Variants in TRMT11 observed in about 807,000 individuals in gnomAD.
TRMT11 encodes the protein tRNA methyltransferase 11.
Under a neutral mutation model 62.8 loss-of-function variants are expected in TRMT11, and 53 were observed. The ratio of observed to expected loss-of-function variants is 0.84; its 90% CI spans 0.68 to 1.06. The LOEUF (loss-of-function observed/expected upper bound fraction) is 1.06. Ranked by LOEUF, TRMT11 falls within the 50% of genes least tolerant of loss-of-function variation. The pLI, the probability that TRMT11 is intolerant of heterozygous loss-of-function variation, is 0.00. For synonymous variants in TRMT11, 188 were observed against 190.3 expected, an observed-to-expected ratio of 0.99 and a Z score of 0.10; for missense variants, 556 against 553.4, an observed-to-expected ratio of 1.00 and a Z score of -0.05.
intron 12 of TRMT11, among the ~76,000 whole-genome samples, chr6:126,036,463 G>A (rs1296578242): frequency 2.6e-5 from 4 of 152,014 alleles, no homozygotes; most frequent in Admixed American, 6.6e-5. Context: ...ATTAAATGTT[G>A]GAGTTATGAG....
intron 21 of TRMT11, among the ~76,000 whole-genome samples, chr6:126,134,203 A>G (rs1362865999): frequency 6.6e-6 from 1 of 151,912 alleles, no homozygotes; most frequent in East Asian, 1.9e-4. Flanking sequence ...AAAAGACAGT[A>G]TGGCTGAATG....
At chr6:126,150,318 C>G (rs1554242007) in intron 21 of TRMT11, among the ~76,000 whole-genome samples, 2 of 152,228 alleles carry the variant, frequency 1.3e-5, no homozygotes, top group Non-Finnish European at 2.9e-5. Context: ...CTTGGATGGT[C>G]CAGCCTCCAG....
chr6:126,165,691 CT>C (rs1778250701), intron 21 of TRMT11, among the ~76,000 whole-genome samples: 1 of 152,182 alleles, frequency 6.6e-6, no homozygotes, highest in Admixed American at 6.5e-5. Flanking sequence ...GTAACCCAAC[CT>C]TTCTCTCTGG....
At chr6:126,137,013 G>A (rs1777858520) in intron 21 of TRMT11, among the ~76,000 whole-genome samples, 1 of 151,416 alleles carries the variant, frequency 6.6e-6, no homozygotes, top group Non-Finnish European at 1.5e-5. Flanking sequence ...AGACTTAAAT[G>A]TAAAATCTGA....
intron 17 of TRMT11, among the ~76,000 whole-genome samples, chr6:126,058,859 A>C (rs1310766844): frequency 1.3e-5 from 2 of 152,102 alleles, no homozygotes; most frequent in African/African-American, 4.8e-5. Context: ...ATACATCCCC[A>C]GTGGTATTTC....
chr6:126,220,615 T>A, the TRMT11 span, among the ~76,000 whole-genome samples: 23 of 152,224 alleles, frequency 1.5e-4, no homozygotes, highest in Non-Finnish European at 3.1e-4. Flanking sequence ...ATGCCAGCAG[T>A]CTCTATTGCT....
At chr6:126,232,202 G>A in the TRMT11 span, among the ~76,000 whole-genome samples, 15 of 152,046 alleles carry the variant, frequency 9.9e-5, no homozygotes, top group African/African-American at 2.9e-4. Context: ...AATATTTCAT[G>A]TATATATTTG....
At chr6:126,151,516 T>A (rs956691248) in intron 21 of TRMT11, among the ~76,000 whole-genome samples, 3 of 152,196 alleles carry the variant, frequency 2.0e-5, no homozygotes, top group Non-Finnish European at 4.4e-5. Flanking sequence ...ACTATACTTA[T>A]AACCTTACAC....
rs146102073 is a variant in TRMT11, at chr6:126,070,636, A to T, written c.*1437+17446A>T. On this transcript the variant is annotated intron_variant and NMD_transcript_variant, in intron 17 of 22. Transcript: ENST00000648977. The stretch of plus-strand genomic sequence containing the variant: ...TCAAAAAGTCACAGACCTACTGCTT[A>T]TTCTCCAGAAATGTACATCTAGTTA... Among the ~76,000 whole-genome samples, 34 of 152,288 alleles carry T rather than the reference A, an allele frequency of 2.2e-4. No homozygotes were observed. The East Asian group carries it at 4.6e-3, about 21-fold the overall frequency.
At chr6:126,085,869 CAG>C (rs1777211901) in intron 17 of TRMT11, among the ~76,000 whole-genome samples, 1 of 152,146 alleles carries the variant, frequency 6.6e-6, no homozygotes, top group African/African-American at 2.4e-5. Flanking sequence ...TTAATTGTAA[CAG>C]ATGTATCACT....
At chr6:126,169,242 T>C (rs1361061935) in intron 21 of TRMT11, among the ~76,000 whole-genome samples, 1 of 152,194 alleles carries the variant, frequency 6.6e-6, no homozygotes, top group Non-Finnish European at 1.5e-5. Flanking sequence ...TGTAGGCATT[T>C]GAATTTTTAA....
chr6:126,155,135 G>A (rs141880152), intron 21 of TRMT11, among the ~76,000 whole-genome samples: 1 of 152,182 alleles, frequency 6.6e-6, no homozygotes, highest in Admixed American at 6.5e-5. Context: ...TACAAGCATG[G>A]CTCCAGCATC....
At chr6:125,997,951 A>G in intron 3 of TRMT11, 102 bp from the exon 4 acceptor site, 1 of 806,768 alleles carries the variant, frequency 1.2e-6, no homozygotes, top group Non-Finnish European at 2.1e-6. Flanking sequence ...AACATAGGCA[A>G]TAATCAGTGG....
downstream of TRMT11, among the ~76,000 whole-genome samples, chr6:126,039,561 A>C (rs1027331873): frequency 1.3e-5 from 2 of 152,094 alleles, no homozygotes; most frequent in African/African-American, 4.8e-5. Context: ...TAACAGCAAC[A>C]CAAATGCTTG....
chr6:126,255,392 G>A, the TRMT11 span, among the ~76,000 whole-genome samples: 1 of 152,034 alleles, frequency 6.6e-6, no homozygotes, highest in Non-Finnish European at 1.5e-5. Flanking sequence ...CATCTGGCAG[G>A]AAATATTGTT....
intron 1 of TRMT11, among the ~76,000 whole-genome samples, chr6:126,180,621 C>G (rs1398839352): frequency 6.6e-6 from 1 of 152,118 alleles, no homozygotes. Flanking sequence ...CATATAGAAA[C>G]AAGAATGATT....
chr6:126,216,192 T>C, the TRMT11 span, among the ~76,000 whole-genome samples: 1 of 152,136 alleles, frequency 6.6e-6, no homozygotes, highest in Non-Finnish European at 1.5e-5. Flanking sequence ...TAAAATCTCC[T>C]ACCTTTTGTT....
chr6:125,996,061 C>G lies in TRMT11; in HGVS notation c.212+21C>G, dbSNP rs1562238815. 4 of 1,520,700 alleles carry G rather than the reference C, an allele frequency of 2.6e-6. No individual in the cohort carries two copies. The East Asian group carries it at 9.0e-5, about 34-fold the overall frequency. The allele number at this position is 1,520,700 out of a possible 1,614,324, so 94.2% of individuals were successfully genotyped here. ...GCCAAGTAAGAGAAACTTATGTTCT[C>G]CTGCATGAATATACTGGTACTTCTC... On this transcript the variant is annotated intron_variant, in intron 3 of 12. Transcript: ENST00000334379.
intron 17 of TRMT11, among the ~76,000 whole-genome samples, chr6:126,082,813 G>T (rs1309627603): frequency 6.6e-6 from 1 of 151,980 alleles, no homozygotes; most frequent in Non-Finnish European, 1.5e-5. Flanking sequence ...TAAAGAAGCA[G>T]GTACAAAGAT....
Sources: allele counts gnomAD v4.1 joint callset (sites outside exome capture counted in the v4.1 genomes callset), GRCh38; gene constraint gnomAD v4.1.1; transcripts MANE v1.5; gene names NCBI Gene and HGNC (gene_info 2026-07-23, HGNC 2026-07-21).